ATG7: variants seen among roughly 807,000 people sequenced by gnomAD.
ATG7 encodes ubiquitin-like modifier-activating enzyme ATG7.
Under a neutral mutation model 82.4 loss-of-function variants are expected in ATG7, and 70 were observed. The observed-to-expected ratio is 0.85, with a 90% CI of 0.70 to 1.04. ATG7 has a LOEUF of 1.04. Among genes scored for constraint, ATG7 ranks in the 50% least tolerant of loss-of-function variants. ATG7 has a pLI of 0.00. For synonymous variants in ATG7, 287 were observed against 313.0 expected, an observed-to-expected ratio of 0.92 and a Z score of 0.88; for missense variants, 792 against 864.3, an observed-to-expected ratio of 0.92 and a Z score of 1.05.
chr3:11,495,893 A>C (rs1190313489), intron 20 of ATG7, among the ~76,000 whole-genome samples: 2 of 152,238 alleles, frequency 1.3e-5, no homozygotes, highest in Non-Finnish European at 2.9e-5. Flanking sequence ...CAAAATATAT[A>C]TAATGGATGT....
At chr3:11,569,841 A>G in the ATG7 span, among the ~76,000 whole-genome samples, 1 of 152,192 alleles carries the variant, frequency 6.6e-6, no homozygotes, top group African/African-American at 2.4e-5. Flanking sequence ...TGGTCACGCC[A>G]CTGCACTTTA....
In ATG7 at chr3:11,337,029, GT is replaced by G. The variant is rs1203490999; in HGVS notation, c.890-3614del. Among the ~76,000 whole-genome samples, 14 of 152,324 alleles carry G rather than the reference GT, an allele frequency of 9.2e-5. 1 individual carries two copies. In the East Asian group the frequency reaches 2.1e-3, roughly 23 times the overall value. On this transcript the variant is annotated intron_variant, in intron 11 of 20. Coordinates refer to ENST00000693202, the MANE Select transcript of ATG7 (RefSeq NM_001349232.2). ...CTTTTGCTTCCTCATGGTGTGTTGT[GT>G]TACAGCTCTGGCACCTGGTGGAGGA... is the stretch of plus-strand genomic sequence containing the variant.
In ATG7 at chr3:11,298,751, G is replaced by C. The variant is rs750086046; in HGVS notation, c.56G>C (p.Ser19Thr). ...GLSKLQFAPF[S>T]SALDVGFWHE... is the part of the protein sequence containing the mutation. ...TCTAAACTGCAGTTTGCCCCTTTTA[G>C]TAGTGCCTTGGATGTTGGGTTTTGG... The change falls in exon 4 of 21, where the codon AGT becomes ACT. Residue 19 changes from serine to threonine, a missense_variant. Ser to Thr is a moderately conservative substitution (Grantham distance 58, BLOSUM62 1). Coordinates refer to ENST00000693202, the MANE Select transcript of ATG7 (RefSeq NM_001349232.2). The C allele has an allele frequency of 6.2e-7, 1 of 1,614,184 alleles. No homozygotes were observed.
chr3:11,456,927 C>T (rs2085791852), intron 20 of ATG7, among the ~76,000 whole-genome samples: 1 of 152,154 alleles, frequency 6.6e-6, no homozygotes, highest in Admixed American at 6.5e-5. Flanking sequence ...GTGACCATTC[C>T]AAGGGAGGAG....
intron 20 of ATG7, among the ~76,000 whole-genome samples, chr3:11,512,795 C>T (rs1024923606): frequency 1.3e-5 from 2 of 152,210 alleles, no homozygotes; most frequent in African/African-American, 4.8e-5. Flanking sequence ...CCATTGCTGG[C>T]TCGGGCAGCC....
At chr3:11,324,200 T>C (rs775633095) in intron 9 of ATG7, among the ~76,000 whole-genome samples, 1 of 152,234 alleles carries the variant, frequency 6.6e-6, no homozygotes, top group Non-Finnish European at 1.5e-5. Context: ...CACAATTAAT[T>C]TGTGGCAAAG....
chr3:11,362,924 G>T lies in ATG7; in HGVS notation c.1795G>T (p.Glu599Ter), dbSNP rs1356793675. The part of the protein sequence containing the change: ...ELMVSVLQHP[E>*]GGYAIASSSD... ...GATGGTATCTGTTTTGCAGCATCCA[G>T]AAGGGTGAGTTTGCTAGTAGGAGAT... Residue 599 changes from glutamate to a stop codon, truncating the protein, a stop_gained, in exon 17 of 21, where the codon GAA (glutamate) becomes TAA (stop). Coordinates refer to ENST00000693202, the MANE Select transcript of ATG7 (RefSeq NM_001349232.2). LOFTEE classifies it high-confidence loss of function. 1 of 1,613,624 alleles carries T rather than the reference G, an allele frequency of 6.2e-7. No homozygotes were observed. The highest frequency in any genetic ancestry group is 1.7e-5 in the Admixed American group (1 of 59,998).
intron 20 of ATG7, among the ~76,000 whole-genome samples, chr3:11,532,289 C>A (rs2092708038): frequency 1.3e-5 from 2 of 152,202 alleles, no homozygotes; most frequent in African/African-American, 4.8e-5. Context: ...AAGGAGCCGG[C>A]ACACATCATC....
At chr3:11,362,452 C>G (rs2076342968) in intron 16 of ATG7, among the ~76,000 whole-genome samples, 1 of 152,138 alleles carries the variant, frequency 6.6e-6, no homozygotes, top group South Asian at 2.1e-4. Context: ...AATCATTGTT[C>G]CTTTCTGTGT....
At chr3:11,374,719 C>T (rs1257979821) in intron 18 of ATG7, among the ~76,000 whole-genome samples, 2 of 151,940 alleles carry the variant, frequency 1.3e-5, no homozygotes, top group Non-Finnish European at 2.9e-5. Context: ...TCCTGGTTAA[C>T]ATGGTGAAAC....
intron 20 of ATG7, among the ~76,000 whole-genome samples, chr3:11,434,317 G>A (rs994077107): frequency 3.3e-5 from 5 of 152,208 alleles, no homozygotes; most frequent in African/African-American, 1.2e-4. Context: ...CCCCGTGTCA[G>A]CACTCAGACC....
chr3:11,390,476 T>C (rs1575984967), intron 19 of ATG7, among the ~76,000 whole-genome samples: 1 of 152,348 alleles, frequency 6.6e-6, no homozygotes, highest in South Asian at 2.1e-4. Context: ...ACCTATGTCA[T>C]CCTATCCCAC....
chr3:11,534,663 G>GC (rs2092756649), intron 20 of ATG7, among the ~76,000 whole-genome samples: 1 of 152,242 alleles, frequency 6.6e-6, no homozygotes, highest in East Asian at 1.9e-4. Context: ...ATGGAGTTGG[G>GC]CCCCAAATGG....
At chr3:11,377,770 CTG>C (rs2077532100) in intron 18 of ATG7, among the ~76,000 whole-genome samples, 1 of 152,266 alleles carries the variant, frequency 6.6e-6, no homozygotes. Context: ...AGGAGACTCA[CTG>C]TGAGTATTCT....
At chr3:11,558,306 G>T, downstream of ATG7, 1 of 601,818 alleles carries the variant, frequency 1.7e-6, no homozygotes. Flanking sequence ...AACTGAGGCA[G>T]GAAGTAAGGA....
intron 19 of ATG7, 151 bp downstream of exon 19, chr3:11,380,203 A>G (rs1242267627): frequency 4.5e-6 from 3 of 670,220 alleles, no homozygotes; most frequent in Non-Finnish European, 7.8e-6. Flanking sequence ...CTTTGTTTTC[A>G]TGGATCTGTA....
chr3:11,459,617 G>A lies in ATG7; in HGVS notation c.2079+32691G>A, dbSNP rs992068774. Among the ~76,000 whole-genome samples, 4 of 152,106 alleles carry A rather than the reference G, an allele frequency of 2.6e-5. No individual in the cohort carries two copies. In the East Asian group the frequency reaches 7.7e-4, roughly 29 times the overall value. ...AGAGCCAACAGGGAAGTAATGGGCT[G>A]CCTAGCTCTTCTTGTCTGATAACAG... On this transcript the variant is annotated intron_variant, in intron 20 of 20. Coordinates refer to ENST00000693202, the MANE Select transcript of ATG7 (RefSeq NM_001349232.2).
intron 20 of ATG7, among the ~76,000 whole-genome samples, chr3:11,491,253 C>G (rs1164282069): frequency 1.3e-5 from 2 of 152,164 alleles, no homozygotes; most frequent in South Asian, 2.1e-4. Flanking sequence ...CTTTCTTCCA[C>G]TTGATTGCAT....
At chr3:11,411,760 C>G (rs1469193429) in intron 19 of ATG7, among the ~76,000 whole-genome samples, 1 of 150,782 alleles carries the variant, frequency 6.6e-6, no homozygotes, top group African/African-American at 2.4e-5. Flanking sequence ...GTTTCCTGTG[C>G]CTTTGATGTC....
Sources: allele counts gnomAD v4.1 joint callset (sites outside exome capture counted in the v4.1 genomes callset), GRCh38; gene constraint gnomAD v4.1.1; transcripts MANE v1.5; gene names NCBI Gene and HGNC (gene_info 2026-07-23, HGNC 2026-07-21).